The following ANGPT2 variants were observed in gnomAD, a reference collection of about 807,000 sequenced individuals.
ANGPT2 encodes angiopoietin-2.
A neutral mutation model predicts 62.9 loss-of-function variants in ANGPT2; 28 were observed. The observed-to-expected ratio is 0.44, with a 90% CI of 0.33 to 0.61. ANGPT2 has a LOEUF of 0.61. ANGPT2 is among the 20% of genes least tolerant of loss of function. ANGPT2 has a pLI of 0.03. For missense variants in ANGPT2, 727 were observed against 594.9 expected, an observed-to-expected ratio of 1.22 and a Z score of -2.31; for synonymous variants, 284 against 207.8, an observed-to-expected ratio of 1.37 and a Z score of -3.15.
chr8:6,541,156 C>G (rs13255574), intron 1 of ANGPT2, among the ~76,000 whole-genome samples: 1 of 152,084 alleles, frequency 6.6e-6, no homozygotes, highest in African/African-American at 2.4e-5. Flanking sequence ...GCAAGTTGGG[C>G]CCAGAGGGTT....
intron 7 of ANGPT2, among the ~76,000 whole-genome samples, chr8:6,510,089 C>T (rs199804186): frequency 3.8e-4 from 58 of 152,156 alleles, no homozygotes; most frequent in African/African-American, 1.1e-3. Flanking sequence ...CGGCTTACAT[C>T]GGTCATCTGT....
intron 7 of ANGPT2, among the ~76,000 whole-genome samples, chr8:6,510,571 C>G (rs2442634): frequency 0.44 from 66,513 of 152,078 alleles, 14,887 homozygotes; most frequent in Middle Eastern, 0.52. Context: ...TTATAACCAC[C>G]TGCAGTGGTG....
At position 6,540,561 on chromosome 8, in the gene ANGPT2, T is replaced by A. The variant is rs547750683; in HGVS notation, c.289-8074A>T. Among the ~76,000 whole-genome samples, 5 of 152,328 alleles carry A rather than the reference T, an allele frequency of 3.3e-5. No individual in the cohort carries two copies. In the South Asian group the frequency reaches 1.0e-3, roughly 32 times the overall value. On this transcript the variant is annotated intron_variant, in intron 1 of 8. Coordinates refer to ENST00000629816, the MANE Select transcript of ANGPT2 (RefSeq NM_001118887.2). ...GACACTTGCACAGATTCCTGGAAGA[T>A]GAGGAGCAAATACAGTGCAACAGAC... is the stretch of plus-strand genomic sequence containing the variant.
At chr8:6,549,879 A>AAAAAG (rs915449508) in intron 1 of ANGPT2, among the ~76,000 whole-genome samples, 2 of 152,242 alleles carry the variant, frequency 1.3e-5, no homozygotes, top group Non-Finnish European at 2.9e-5. Flanking sequence ...TTATATCTAA[A>AAAAAG]AAAAGAAAAG....
intron 7 of ANGPT2, among the ~76,000 whole-genome samples, chr8:6,511,640 A>T (rs1815121945): frequency 6.6e-6 from 1 of 152,200 alleles, no homozygotes. Context: ...CAGTTCTCTT[A>T]TCATGCTAGC....
chr8:6,511,309 G>A (rs574108043), intron 7 of ANGPT2, among the ~76,000 whole-genome samples: 3 of 151,400 alleles, frequency 2.0e-5, no homozygotes, highest in East Asian at 3.9e-4. Context: ...TTCAATCTCT[G>A]CAGCTTTGCC....
At chr8:6,524,197 C>T (rs1437190771) in intron 3 of ANGPT2, among the ~76,000 whole-genome samples, 1 of 152,134 alleles carries the variant, frequency 6.6e-6, no homozygotes, top group Non-Finnish European at 1.5e-5. Flanking sequence ...ACCTCATATT[C>T]CCTTTTTTGA....
At chr8:6,543,983 A>G (rs1264825029) in intron 1 of ANGPT2, among the ~76,000 whole-genome samples, 1 of 152,218 alleles carries the variant, frequency 6.6e-6, no homozygotes, top group African/African-American at 2.4e-5. Flanking sequence ...ATATATTTTA[A>G]GCATTTTAAC....
At position 6,511,000 on chromosome 8, in the gene ANGPT2, C is replaced by T. The variant is rs372017945; in HGVS notation, c.1197-1938G>A. 1.6e-3 allele frequency among the ~76,000 whole-genome samples: 239 copies of T among 152,342 alleles called. 3 individuals are homozygous for T. Among genetic ancestry groups the T allele is most frequent in the African/African-American group, 5.4e-3 (224 of 41,582 alleles). On this transcript the variant is annotated intron_variant, in intron 7 of 8. Coordinates refer to ENST00000629816, the MANE Select transcript of ANGPT2 (RefSeq NM_001118887.2). ...GATTTTGAAACACTGTACTTTCTTT[C>T]CATTGTCTTCCCATTAATCATAGAC...
At chr8:6,509,767 C>G (rs1417963246) in intron 7 of ANGPT2, among the ~76,000 whole-genome samples, 1 of 152,146 alleles carries the variant, frequency 6.6e-6, no homozygotes, top group African/African-American at 2.4e-5. Flanking sequence ...TTTGGAGCAT[C>G]ATAGCTTAGC....
intron 2 of ANGPT2, among the ~76,000 whole-genome samples, chr8:6,531,744 T>C (rs1454664679): frequency 2.0e-5 from 3 of 152,162 alleles, no homozygotes. Flanking sequence ...GTGATGCATT[T>C]ATTTGGTTAG....
chr8:6,534,500 C>T (rs1443152136), intron 1 of ANGPT2, among the ~76,000 whole-genome samples: 2 of 152,126 alleles, frequency 1.3e-5, no homozygotes, highest in South Asian at 2.1e-4. Flanking sequence ...TGAAATGTTA[C>T]TCAAGCCATC....
chr8:6,536,435 C>T (rs1820517816), intron 1 of ANGPT2, among the ~76,000 whole-genome samples: 1 of 152,086 alleles, frequency 6.6e-6, no homozygotes, highest in African/African-American at 2.4e-5. Context: ...TCAAAATTGG[C>T]TTGAGTATGC....
chr8:6,561,370 T>G (rs1446650723), intron 1 of ANGPT2, among the ~76,000 whole-genome samples: 1 of 152,224 alleles, frequency 6.6e-6, no homozygotes, highest in Admixed American at 6.5e-5. Context: ...CTGGGAACAT[T>G]CATTCACATT....
chr8:6,519,035 GAGTACTGACTGTC>G (rs1179266431), intron 5 of ANGPT2, among the ~76,000 whole-genome samples: 1 of 152,122 alleles, frequency 6.6e-6, no homozygotes, highest in Admixed American at 6.5e-5. Context: ...TGCCTGCTGT[GAGTACTGACTGTC>G]CACTCACGTT....
chr8:6,536,248 C>A (rs924811991), intron 1 of ANGPT2, among the ~76,000 whole-genome samples: 36 of 152,170 alleles, frequency 2.4e-4, no homozygotes, highest in South Asian at 1.5e-3. Flanking sequence ...GGTACTGTTT[C>A]TTGGTTGCCG....
At chr8:6,506,413 C>G (rs537123715) in intron 8 of ANGPT2, among the ~76,000 whole-genome samples, 10 of 152,180 alleles carry the variant, frequency 6.6e-5, no homozygotes, top group South Asian at 2.1e-4. Flanking sequence ...TTCTCAGTCC[C>G]TAAATCTTGA....
Position 6,503,857 on chromosome 8 carries a change from C to A in ANGPT2, c.1328-596G>T, listed in dbSNP as rs1490530002. Among the ~76,000 whole-genome samples, 7 of 152,198 alleles carry A rather than the reference C, an allele frequency of 4.6e-5. No homozygotes were observed. In the South Asian group the frequency reaches 1.2e-3, roughly 27 times the overall value. On this transcript the variant is annotated intron_variant, in intron 8 of 8. Coordinates refer to ENST00000629816, the MANE Select transcript of ANGPT2 (RefSeq NM_001118887.2). ...AGCACAGGGGCTGTGGGAGTGAAGC[C>A]CCATCTGCACCTTAATTTCTGGGCT...
chr8:6,499,948 T>TA lies in ANGPT2; in HGVS notation c.*3152dup, dbSNP rs749509327. The stretch of plus-strand genomic sequence containing the variant: ...AGCTCCCGTAAGTCAGATGTTGTTT[T>TA]ACGATGGTAAATGCAGTTTGCTGTT... On this transcript the variant is annotated 3_prime_UTR_variant, in exon 9 of 9. Transcript: ENST00000629816. The TA allele has an allele frequency of 1.9e-6, 3 of 1,605,434 alleles. No individual in the cohort carries two copies. In the South Asian group the frequency reaches 3.3e-5, roughly 18 times the overall value.
Sources: allele counts gnomAD v4.1 joint callset (sites outside exome capture counted in the v4.1 genomes callset), GRCh38; gene constraint gnomAD v4.1.1; transcripts MANE v1.5; gene names NCBI Gene and HGNC (gene_info 2026-07-23, HGNC 2026-07-21).